The following RPTOR variants were observed in gnomAD, a reference collection of about 807,000 sequenced individuals.
RPTOR encodes regulatory associated protein of MTOR complex 1.
A neutral mutation model predicts 169.9 loss-of-function variants in RPTOR; 21 were observed. The observed-to-expected ratio is 0.12, with a 90% CI of 0.09 to 0.18. The LOEUF (loss-of-function observed/expected upper bound fraction) is 0.18. Among genes scored for constraint, RPTOR ranks in the 10% least tolerant of loss-of-function variants. RPTOR has a pLI of 1.00. For synonymous variants in RPTOR, 732 were observed against 753.2 expected, an observed-to-expected ratio of 0.97 and a Z score of 0.46; for missense variants, 1,133 against 1,855.9, an observed-to-expected ratio of 0.61 and a Z score of 7.16.
intron 21 of RPTOR, among the ~76,000 whole-genome samples, chr17:80,919,813 G>A (rs962043235): frequency 6.6e-6 from 1 of 152,218 alleles, no homozygotes; most frequent in African/African-American, 2.4e-5. Flanking sequence ...TCTTGTAGCC[G>A]GGACCTTGAC....
chr17:80,720,037 C>T (rs1448210186), intron 4 of RPTOR, among the ~76,000 whole-genome samples: 1 of 152,056 alleles, frequency 6.6e-6, no homozygotes, highest in East Asian at 1.9e-4. Context: ...CACGGTGGCT[C>T]ACGCCTGTAA....
intron 21 of RPTOR, among the ~76,000 whole-genome samples, chr17:80,914,228 C>T (rs572792554): frequency 5.8e-4 from 88 of 152,336 alleles, no homozygotes; most frequent in African/African-American, 2.0e-3. Context: ...AGGCAGGGAC[C>T]GGTGGAATCC....
intron 7 of RPTOR, among the ~76,000 whole-genome samples, chr17:80,812,673 C>T (rs1208481088): frequency 6.6e-6 from 1 of 152,182 alleles, no homozygotes; most frequent in Non-Finnish European, 1.5e-5. Flanking sequence ...AGTCTTGGCC[C>T]CATAATTTCT....
intron 8 of RPTOR, 93 bp downstream of exon 8, chr17:80,822,394 G>A (rs1030465999): frequency 6.5e-6 from 8 of 1,223,996 alleles, no homozygotes; most frequent in South Asian, 3.6e-5. Context: ...GATAGGATCC[G>A]TGAGTGCCTC....
At chr17:80,815,552 G>T (rs1472993051) in intron 7 of RPTOR, among the ~76,000 whole-genome samples, 1 of 152,232 alleles carries the variant, frequency 6.6e-6, no homozygotes, top group Non-Finnish European at 1.5e-5. Flanking sequence ...GTGGGGAAGT[G>T]ACATGGCCCA....
chr17:80,609,865 A>G lies in RPTOR; in HGVS notation c.163-15826A>G, dbSNP rs1470980395. Among the ~76,000 whole-genome samples, 1 of 151,996 alleles carries G rather than the reference A, an allele frequency of 6.6e-6. No homozygotes were observed. The highest frequency in any genetic ancestry group is 2.4e-5 in the African/African-American group (1 of 41,362). On this transcript the variant is annotated intron_variant, in intron 1 of 33. Transcript: ENST00000306801. This position sits in a 1 kb window ranked among gnomAD's most constrained non-coding sequence, Gnocchi z 4.8. ...GTAATAGACTTTAAAGGGTAAATGGAAAATGGTAGCTTACAACTGACATTT... is the reference window on the plus strand; with the variant it reads ...GTAATAGACTTTAAAGGGTAAATGGGAAATGGTAGCTTACAACTGACATTT...
chr17:80,578,405 G>C (rs1030777335), intron 1 of RPTOR, among the ~76,000 whole-genome samples: 1 of 152,194 alleles, frequency 6.6e-6, no homozygotes, highest in Non-Finnish European at 1.5e-5. Flanking sequence ...TCTTGCAGTC[G>C]TGATTTCTGA....
Position 80,861,139 on chromosome 17 carries a change from A to G in RPTOR, c.1509+3239A>G, listed in dbSNP as rs959231453. Among the ~76,000 whole-genome samples the G allele has an allele frequency of 6.9e-6, 1 of 145,212 alleles. No individual in the cohort carries two copies. Among genetic ancestry groups the G allele is most frequent in the Non-Finnish European group, 1.6e-5 (1 of 64,162 alleles). ...TGGCTAAAGCACTGGATTTAAGGTTAAAACCCTGAGTTTGATCCCATCACC... is the reference window on the plus strand; with the variant it reads ...TGGCTAAAGCACTGGATTTAAGGTTGAAACCCTGAGTTTGATCCCATCACC... On this transcript the variant is annotated intron_variant, in intron 13 of 33. Coordinates refer to ENST00000306801, the MANE Select transcript of RPTOR (RefSeq NM_020761.3). The surrounding 1 kb of genome is among the most constrained non-coding windows in gnomAD (Gnocchi z 4.5).
chr17:80,705,884 T>G (rs551441649), intron 3 of RPTOR, among the ~76,000 whole-genome samples: 3 of 152,080 alleles, frequency 2.0e-5, no homozygotes, highest in Non-Finnish European at 4.4e-5. Flanking sequence ...GGGTGTGTCC[T>G]CTCTGCTTCC....
At chr17:80,620,301 T>C (rs375108501) in intron 1 of RPTOR, among the ~76,000 whole-genome samples, 1 of 152,258 alleles carries the variant, frequency 6.6e-6, no homozygotes, top group South Asian at 2.1e-4. Context: ...AAAAAACTTA[T>C]GTAATATTAT....
At chr17:80,852,928 C>G (rs2067809308) in intron 11 of RPTOR, among the ~76,000 whole-genome samples, 1 of 152,122 alleles carries the variant, frequency 6.6e-6, no homozygotes, top group South Asian at 2.1e-4. Context: ...CCCTGCCTCT[C>G]TTGAGGGTTT....
intron 13 of RPTOR, among the ~76,000 whole-genome samples, chr17:80,859,959 C>G (rs942296989): frequency 1.3e-5 from 2 of 152,202 alleles, no homozygotes; most frequent in Non-Finnish European, 1.5e-5. Flanking sequence ...GCTCCTTGCC[C>G]ACACAGGGAA....
At chr17:80,908,720 AC>A in intron 20 of RPTOR, 90 bp from the exon 21 acceptor site, 1 of 877,258 alleles carries the variant, frequency 1.1e-6, no homozygotes, top group Non-Finnish European at 1.9e-6. Context: ...CACTTCTGAT[AC>A]CAGGGTTAGG....
chr17:80,549,597 G>A (rs2084320715), intron 1 of RPTOR, among the ~76,000 whole-genome samples: 1 of 152,190 alleles, frequency 6.6e-6, no homozygotes, highest in Non-Finnish European at 1.5e-5. Flanking sequence ...ACAGGTGTGA[G>A]CCACCGTGCC....
chr17:80,719,205 A>C (rs1170918240), intron 4 of RPTOR, among the ~76,000 whole-genome samples: 1 of 152,200 alleles, frequency 6.6e-6, no homozygotes, highest in Non-Finnish European at 1.5e-5. Flanking sequence ...TCTGGGGAGC[A>C]GAAGAGGATC....
At chr17:80,717,276 T>A (rs2066247316) in intron 4 of RPTOR, among the ~76,000 whole-genome samples, 1 of 152,224 alleles carries the variant, frequency 6.6e-6, no homozygotes, top group Non-Finnish European at 1.5e-5. Context: ...ATTGTCTCTA[T>A]GTCACCATTA....
intron 1 of RPTOR, among the ~76,000 whole-genome samples, chr17:80,581,290 TCTTC>T (rs965742479): frequency 1.3e-5 from 2 of 152,262 alleles, no homozygotes; most frequent in African/African-American, 4.8e-5. Flanking sequence ...TTGCTTTCTT[TCTTC>T]CTTCCTTCCT....
chr17:80,684,532 C>T (rs1250443469), intron 3 of RPTOR, among the ~76,000 whole-genome samples: 1 of 151,094 alleles, frequency 6.6e-6, no homozygotes, highest in African/African-American at 2.4e-5. Flanking sequence ...GCAAGCTCCT[C>T]CTCCCGGGTT....
chr17:80,724,296 G>A (rs773080552), intron 4 of RPTOR, among the ~76,000 whole-genome samples: 1 of 151,182 alleles, frequency 6.6e-6, no homozygotes, highest in Non-Finnish European at 1.5e-5. Flanking sequence ...GGCCATGAGT[G>A]CCAGGATGGA....
Sources: allele counts gnomAD v4.1 joint callset (sites outside exome capture counted in the v4.1 genomes callset), GRCh38; gene constraint gnomAD v4.1.1; non-coding constraint Gnocchi (gnomAD v3.1); transcripts MANE v1.5; gene names NCBI Gene and HGNC (gene_info 2026-07-23, HGNC 2026-07-21).